The following ATXN1 variants were observed in gnomAD, a reference collection of about 807,000 sequenced individuals.
ATXN1 encodes ataxin 1.
ATXN1 carries 8 observed loss-of-function variants against 56.4 expected under a neutral mutation model. That is an observed-to-expected ratio of 0.14 (90% CI 0.08 to 0.26). The LOEUF is 0.26. ATXN1 is among the 10% of genes least tolerant of loss of function. ATXN1 has a pLI of 1.00. For synonymous variants in ATXN1, 514 were observed against 494.6 expected (o/e 1.04, Z -0.52); for missense variants, 987 against 1,106.5 (o/e 0.89, Z 1.53).
chr6:16,689,187 CT>C (rs1362828821), intron 2 of ATXN1, among the ~76,000 whole-genome samples: 1 of 152,140 alleles, frequency 6.6e-6, no homozygotes, highest in African/African-American at 2.4e-5. Flanking sequence ...TGTTTTGGAA[CT>C]GCAATACTTG....
At position 16,477,020 on chromosome 6, in the gene ATXN1, G is replaced by A. The variant is rs568054228; in HGVS notation, c.-161+8952C>T. On this transcript the variant is annotated intron_variant, in intron 6 of 7. Coordinates refer to ENST00000436367, the MANE Select transcript of ATXN1 (RefSeq NM_001128164.2). ...CTACAAAAACTCTTTTAGTCGTGAAGGGAAAGGCAACAATGCATACGTCAT... is the reference window on the plus strand; with the variant it reads ...CTACAAAAACTCTTTTAGTCGTGAAAGGAAAGGCAACAATGCATACGTCAT... Among the ~76,000 whole-genome samples, 3 of 152,328 alleles carry A rather than the reference G, an allele frequency of 2.0e-5. No individual in the cohort carries two copies. In the East Asian group the frequency reaches 5.8e-4, roughly 29 times the overall value.
chr6:16,320,990 G>A (rs546649768), intron 7 of ATXN1, among the ~76,000 whole-genome samples: 121 of 152,240 alleles, frequency 7.9e-4, no homozygotes, highest in African/African-American at 2.8e-3. Context: ...TTTAGAACAC[G>A]AGGCCTTTGA....
intron 3 of ATXN1, among the ~76,000 whole-genome samples, chr6:16,656,384 G>C (rs1758201976): frequency 6.6e-6 from 1 of 152,112 alleles, no homozygotes. Flanking sequence ...ATCTTTAAAG[G>C]CAAGTCGTTC....
chr6:16,739,536 A>T, intron 2 of ATXN1: 1 of 248,236 alleles, frequency 4.0e-6, no homozygotes, highest in Non-Finnish European at 8.5e-6. Flanking sequence ...TTTCTAGTGT[A>T]TTTGTGTAAA....
At chr6:16,346,142 G>A (rs917387780) in intron 6 of ATXN1, among the ~76,000 whole-genome samples, 2 of 152,130 alleles carry the variant, frequency 1.3e-5, no homozygotes, top group Non-Finnish European at 2.9e-5. Flanking sequence ...TGCAACCTCC[G>A]CCTCCTGGGT....
chr6:16,548,612 T>A (rs1485094000), intron 4 of ATXN1, among the ~76,000 whole-genome samples: 2 of 152,102 alleles, frequency 1.3e-5, no homozygotes, highest in African/African-American at 4.8e-5. Context: ...TTTTAAAAAA[T>A]TTTAAACTTT....
At chr6:16,726,375 T>C (rs1150629) in intron 2 of ATXN1, among the ~76,000 whole-genome samples, 107,373 of 143,144 alleles carry the variant, frequency 0.75, 41,260 homozygotes, top group African/African-American at 0.92. Context: ...AGCAAGACTC[T>C]GTCTCAAAAA....
At chr6:16,307,653 G>A (rs1445553621) in intron 7 of ATXN1, among the ~76,000 whole-genome samples, 1 of 149,030 alleles carries the variant, frequency 6.7e-6, no homozygotes, top group Admixed American at 6.7e-5. Context: ...TCCAGCCTGG[G>A]CCACAGAGTG....
At chr6:16,591,234 G>C (rs976036460) in intron 3 of ATXN1, among the ~76,000 whole-genome samples, 4 of 152,122 alleles carry the variant, frequency 2.6e-5, no homozygotes, top group Admixed American at 1.3e-4. Flanking sequence ...TGGGACTACA[G>C]GTGTGAGCCA....
chr6:16,335,815 G>T (rs1761111098), intron 6 of ATXN1, among the ~76,000 whole-genome samples: 1 of 152,192 alleles, frequency 6.6e-6, no homozygotes, highest in Admixed American at 6.5e-5. Context: ...TGGAGGCAGA[G>T]GCAGAGAGAC....
At chr6:16,612,952 A>G (rs1169837018) in intron 3 of ATXN1, among the ~76,000 whole-genome samples, 10 of 151,826 alleles carry the variant, frequency 6.6e-5, no homozygotes, top group East Asian at 5.8e-4. Context: ...AAAGCACATA[A>G]AACTATCCAA....
intron 3 of ATXN1, among the ~76,000 whole-genome samples, chr6:16,587,634 A>C (rs941222046): frequency 6.6e-6 from 1 of 152,094 alleles, no homozygotes; most frequent in Non-Finnish European, 1.5e-5. Context: ...CATTTAGAAA[A>C]TTCCTACTCA....
chr6:16,398,331 G>A (rs569037344), intron 6 of ATXN1, among the ~76,000 whole-genome samples: 7 of 152,294 alleles, frequency 4.6e-5, no homozygotes, highest in African/African-American at 1.7e-4. Context: ...ATTAGGAAGT[G>A]TTTTATACTT....
Position 16,327,044 on chromosome 6 carries a change from G to A in ATXN1, c.1267C>T (p.His423Tyr). ...TGGGGTGAGAGCGCGTAGGACCGGT[G>A]GCCAGGCTTCCCTAAATGCAGGCCA... ...KSGLHLGKPG[H>Y]RSYALSPHTV... The change falls in exon 7 of 8, where the codon CAC (histidine) becomes TAC (tyrosine). Residue 423 changes from histidine (H) to tyrosine (Y), a missense_variant. This residue lies in a region of ATXN1 where 723 missense variants were observed against 791.7 expected (regional missense o/e 0.91). Coordinates refer to ENST00000436367, the MANE Select transcript of ATXN1 (RefSeq NM_001128164.2). 2.5e-6 allele frequency: 4 copies of A among 1,614,124 alleles called. No individual in the cohort carries two copies. The highest frequency in any genetic ancestry group is 3.4e-6 in the Non-Finnish European group (4 of 1,180,028).
chr6:16,370,021 T>C (rs901938279), intron 6 of ATXN1, among the ~76,000 whole-genome samples: 2 of 152,198 alleles, frequency 1.3e-5, no homozygotes, highest in African/African-American at 4.8e-5. Flanking sequence ...TCTACCATTT[T>C]TGAAATGGAA....
chr6:16,514,163 A>G (rs1761134002), intron 5 of ATXN1, among the ~76,000 whole-genome samples: 1 of 152,190 alleles, frequency 6.6e-6, no homozygotes, highest in African/African-American at 2.4e-5. Context: ...TGCAATCAAT[A>G]CATGCCTCCT....
chr6:16,567,232 C>T (rs866185626), intron 4 of ATXN1, among the ~76,000 whole-genome samples: 1 of 152,072 alleles, frequency 6.6e-6, no homozygotes, highest in Non-Finnish European at 1.5e-5. Flanking sequence ...AAAAAACATG[C>T]CATTGAAATT....
At chr6:16,345,145 A>C (rs1166706314) in intron 6 of ATXN1, among the ~76,000 whole-genome samples, 5 of 152,242 alleles carry the variant, frequency 3.3e-5, no homozygotes, top group Non-Finnish European at 7.3e-5. Context: ...TGATGATAAA[A>C]AACTGAACTC....
At chr6:16,515,376 C>G (rs1482314676) in intron 5 of ATXN1, among the ~76,000 whole-genome samples, 2 of 152,134 alleles carry the variant, frequency 1.3e-5, no homozygotes, top group African/African-American at 2.4e-5. Context: ...CCCCTCCCCA[C>G]AGCACTGCCC....
Sources: allele counts gnomAD v4.1 joint callset (sites outside exome capture counted in the v4.1 genomes callset), GRCh38; gene constraint gnomAD v4.1.1; regional missense constraint gnomAD v4.1.1; transcripts MANE v1.5; gene names NCBI Gene and HGNC (gene_info 2026-07-23, HGNC 2026-07-21).